ERBB4: variants seen among roughly 807,000 people sequenced by gnomAD.
ERBB4 encodes receptor tyrosine-protein kinase erbB-4.
In ERBB4, 42 loss-of-function variants were observed where a neutral mutation model predicts 158.0. That is an observed-to-expected ratio of 0.27 (90% CI 0.21 to 0.34). The LOEUF (loss-of-function observed/expected upper bound fraction) is 0.34. ERBB4 is among the 10% of genes least tolerant of loss of function. The pLI, the probability that ERBB4 is intolerant of heterozygous loss-of-function variation, is 1.00. For synonymous variants in ERBB4, 583 were observed against 558.7 expected (o/e 1.04, Z -0.61); for missense variants, 1,333 against 1,624.1 (o/e 0.82, Z 3.08).
intron 16 of ERBB4, among the ~76,000 whole-genome samples, chr2:211,657,225 G>T (rs536342276): frequency 6.6e-6 from 1 of 150,928 alleles, no homozygotes; most frequent in East Asian, 1.9e-4. Flanking sequence ...ATTAAAAATC[G>T]AGGCCGGGCA....
intron 1 of ERBB4, among the ~76,000 whole-genome samples, chr2:212,152,017 A>T (rs967188304): frequency 2.0e-5 from 3 of 152,160 alleles, no homozygotes; most frequent in African/African-American, 7.2e-5. Flanking sequence ...TCTAATTGGG[A>T]TTCTATTTTA....
chr2:212,287,540 AG>A (rs2086039794), intron 1 of ERBB4, among the ~76,000 whole-genome samples: 2 of 151,774 alleles, frequency 1.3e-5, no homozygotes, highest in Admixed American at 1.3e-4. Flanking sequence ...TACTCCAAAC[AG>A]GGGGTAACCT....
At chr2:211,653,678 T>TG (rs1195559264) in intron 16 of ERBB4, among the ~76,000 whole-genome samples, 2 of 150,780 alleles carry the variant, frequency 1.3e-5, no homozygotes, top group Admixed American at 6.6e-5. Context: ...TTTTCTTTTT[T>TG]GGGGGGGTTT....
intron 5 of ERBB4, among the ~76,000 whole-genome samples, chr2:211,748,172 C>T (rs181499910): frequency 2.4e-4 from 36 of 151,568 alleles, no homozygotes; most frequent in South Asian, 8.3e-4. Flanking sequence ...ACTGTAAAAT[C>T]GATACATATA....
intron 4 of ERBB4, among the ~76,000 whole-genome samples, chr2:211,751,951 G>A (rs1008488544): frequency 2.0e-5 from 3 of 152,032 alleles, no homozygotes; most frequent in African/African-American, 4.8e-5. Context: ...TTAAAAGTAC[G>A]GGGATCTTTG....
intron 2 of ERBB4, among the ~76,000 whole-genome samples, chr2:212,022,452 T>C (rs2076675548): frequency 6.6e-6 from 1 of 152,120 alleles, no homozygotes; most frequent in East Asian, 1.9e-4. Flanking sequence ...AAATACCACA[T>C]GTTCTCACTT....
intron 16 of ERBB4, among the ~76,000 whole-genome samples, chr2:211,633,004 C>T (rs375867817): frequency 3.9e-5 from 6 of 152,020 alleles, no homozygotes; most frequent in African/African-American, 9.7e-5. Context: ...ACAGAATTTA[C>T]GTTTGAAACA....
At chr2:211,977,858 C>A (rs370382705) in intron 2 of ERBB4, among the ~76,000 whole-genome samples, 1,166 of 109,460 alleles carry the variant, frequency 0.011, no homozygotes, top group African/African-American at 0.017. Context: ...AACTCCGTCT[C>A]AAAAAAAAAA....
intron 1 of ERBB4, among the ~76,000 whole-genome samples, chr2:212,396,836 A>AT (rs2091039957): frequency 6.6e-6 from 1 of 152,162 alleles, no homozygotes; most frequent in Non-Finnish European, 1.5e-5. Context: ...CCACAGAGGA[A>AT]GATAAAGTTT....
At chr2:211,717,322 T>C (rs1172792401) in intron 7 of ERBB4, among the ~76,000 whole-genome samples, 1 of 152,168 alleles carries the variant, frequency 6.6e-6, no homozygotes, top group African/African-American at 2.4e-5. Context: ...GGTTATTAGA[T>C]GAAAAGGACT....
At chr2:211,486,077 T>C (rs911905920) in intron 20 of ERBB4, among the ~76,000 whole-genome samples, 2 of 152,210 alleles carry the variant, frequency 1.3e-5, no homozygotes, top group South Asian at 2.1e-4. Context: ...ATAGTTGTAT[T>C]TATAACAAGA....
At chr2:212,158,329 C>T (rs1227891026) in intron 1 of ERBB4, among the ~76,000 whole-genome samples, 1 of 151,838 alleles carries the variant, frequency 6.6e-6, no homozygotes, top group African/African-American at 2.4e-5. Flanking sequence ...TTGTGAAATG[C>T]CCATCTCTTG....
intron 18 of ERBB4, among the ~76,000 whole-genome samples, chr2:211,622,991 ATATATATATATAT>A (rs1315731554): frequency 1.4e-3 from 9 of 6,418 alleles, no homozygotes; most frequent in African/African-American, 2.4e-3. Context: ...AAAAAAAAAA[ATATATATATATAT>A]ATATATATAT....
At chr2:211,525,627 C>T (rs775607889) in intron 20 of ERBB4, among the ~76,000 whole-genome samples, 3 of 152,110 alleles carry the variant, frequency 2.0e-5, no homozygotes, top group Non-Finnish European at 4.4e-5. Flanking sequence ...TGGAGTAGGG[C>T]ACCAAACAGG....
At chr2:212,519,404 T>A (rs975883522) in intron 1 of ERBB4, among the ~76,000 whole-genome samples, 3 of 151,974 alleles carry the variant, frequency 2.0e-5, no homozygotes, top group African/African-American at 7.2e-5. Context: ...ATCATCATAT[T>A]CTTTTTCAAG....
chr2:211,717,784 G>T (rs138568418), intron 7 of ERBB4, among the ~76,000 whole-genome samples: 1 of 151,980 alleles, frequency 6.6e-6, no homozygotes, highest in Non-Finnish European at 1.5e-5. Flanking sequence ...CCAAGATTGC[G>T]CCATTGCTCT....
intron 20 of ERBB4, among the ~76,000 whole-genome samples, chr2:211,497,166 A>T (rs547251891): frequency 1.3e-5 from 2 of 152,242 alleles, no homozygotes; most frequent in African/African-American, 4.8e-5. Context: ...AATCTAAATT[A>T]TAATTAAATA....
intron 20 of ERBB4, among the ~76,000 whole-genome samples, chr2:211,515,912 A>ATATATATATATATATATTTTT (rs35696520): frequency 2.4e-4 from 19 of 78,970 alleles, no homozygotes; most frequent in African/African-American, 8.0e-4. Context: ...ATATATATAT[A>ATATATATATATATATATTTTT]TTTTTTTTTT....
intron 2 of ERBB4, among the ~76,000 whole-genome samples, chr2:211,987,919 A>G (rs1279226159): frequency 1.3e-5 from 2 of 152,092 alleles, no homozygotes; most frequent in African/African-American, 4.8e-5. Context: ...ACAGTTCAGA[A>G]CTCGCCACTA....
Sources: gnomAD v4.1 joint callset for allele counts (sites outside exome capture counted in the v4.1 genomes callset) on GRCh38, gnomAD v4.1.1 for gene constraint, MANE v1.5 for transcripts, NCBI Gene and HGNC (gene_info 2026-07-23, HGNC 2026-07-21) for gene names.